The following ADGRG7 variants were observed in gnomAD, a reference collection of about 807,000 sequenced individuals.
The protein encoded by ADGRG7 is adhesion G protein-coupled receptor G7.
In ADGRG7, 82 loss-of-function variants were observed where a neutral mutation model predicts 88.6. The observed-to-expected ratio is 0.93, with a 90% CI of 0.77 to 1.11. The LOEUF (loss-of-function observed/expected upper bound fraction) is 1.11, where lower values mean the gene tolerates loss of function less well. ADGRG7 is among the 50% of genes most tolerant of loss of function. The pLI is 0.00. For synonymous variants in ADGRG7, 381 were observed against 345.2 expected (o/e 1.10, Z -1.15); for missense variants, 945 against 953.4 (o/e 0.99, Z 0.12).
chr3:100,659,897 C>T (rs2094943006), intron 14 of ADGRG7, 54 bp downstream of exon 14: 21 of 1,537,866 alleles, frequency 1.4e-5, no homozygotes, highest in African/African-American at 2.7e-5. Flanking sequence ...CAGCACTTAA[C>T]GCAGCACCAT....
chr3:100,666,369 A>C (rs1269267324), intron 14 of ADGRG7, among the ~76,000 whole-genome samples: 1 of 152,190 alleles, frequency 6.6e-6, no homozygotes, highest in Non-Finnish European at 1.5e-5. Flanking sequence ...TCACAAGATA[A>C]TAGTGGGGAG....
intron 11 of ADGRG7, among the ~76,000 whole-genome samples, chr3:100,650,145 T>A (rs2094926851): frequency 1.3e-5 from 2 of 152,232 alleles, no homozygotes. Context: ...AAAGAGACAT[T>A]GCAAACAGCA....
At chr3:100,620,749 A>G (rs1332420688) in intron 1 of ADGRG7, among the ~76,000 whole-genome samples, 3 of 152,174 alleles carry the variant, frequency 2.0e-5, no homozygotes, top group South Asian at 4.1e-4. Context: ...TAAATCGTAT[A>G]CATCAAAAAG....
At chr3:100,689,630 A>G (rs1037821433) in intron 15 of ADGRG7, among the ~76,000 whole-genome samples, 9 of 152,140 alleles carry the variant, frequency 5.9e-5, no homozygotes, top group Non-Finnish European at 1.3e-4. Flanking sequence ...TTCTTCATTT[A>G]TGAAGCTTAG....
chr3:100,655,594 C>A (rs573223888), intron 12 of ADGRG7, among the ~76,000 whole-genome samples: 1 of 152,190 alleles, frequency 6.6e-6, no homozygotes, highest in East Asian at 1.9e-4. Context: ...TCAGGGATAT[C>A]TAAATTTAAA....
At chr3:100,622,933 T>G (rs564701686) in intron 1 of ADGRG7, among the ~76,000 whole-genome samples, 2 of 151,200 alleles carry the variant, frequency 1.3e-5, no homozygotes, top group African/African-American at 2.4e-5. Flanking sequence ...TTTTTGTTTT[T>G]TTTTTTTGGT....
chr3:100,678,805 CCT>C (rs200867163), intron 15 of ADGRG7, among the ~76,000 whole-genome samples: 2 of 151,872 alleles, frequency 1.3e-5, no homozygotes, highest in South Asian at 2.1e-4. Context: ...AAACAGAGTG[CCT>C]CTCTCTCTCT....
rs1222293728 is a variant in ADGRG7 at position 100,670,896 on chromosome 3, C to CT, written c.2136+1796dup. Among the ~76,000 whole-genome samples, 6 of 152,226 alleles carry CT rather than the reference C, an allele frequency of 3.9e-5. No homozygotes were observed. In the East Asian group the frequency reaches 9.6e-4, roughly 24 times the overall value. ...TCCATGCAAAGGACATGAACTCATC[C>CT]TTTTTATGGCTGCATAATATTACAT... On this transcript the variant is annotated intron_variant, in intron 15 of 15. Coordinates refer to ENST00000273352, the MANE Select transcript of ADGRG7 (RefSeq NM_032787.3).
chr3:100,693,533 G>T (rs2094997352), intron 15 of ADGRG7, among the ~76,000 whole-genome samples: 1 of 151,970 alleles, frequency 6.6e-6, no homozygotes, highest in South Asian at 2.1e-4. Flanking sequence ...AAACTATAAG[G>T]GTCTTTCCAG....
intron 6 of ADGRG7, among the ~76,000 whole-genome samples, chr3:100,638,205 G>A (rs1007319624): frequency 6.6e-6 from 1 of 152,202 alleles, no homozygotes; most frequent in African/African-American, 2.4e-5. Flanking sequence ...CACTTGGTGG[G>A]TCCCAAATTC....
intron 15 of ADGRG7, among the ~76,000 whole-genome samples, chr3:100,687,033 G>GT (rs1472619253): frequency 6.6e-6 from 1 of 152,156 alleles, no homozygotes; most frequent in African/African-American, 2.4e-5. Flanking sequence ...TCTTCCATTT[G>GT]TTTGTATCCT....
At position 100,629,692 on chromosome 3, in the gene ADGRG7, AG is replaced by A. The variant is rs766729629; in HGVS notation, c.212del (p.Gly71AspfsTer2). 1.2e-6 allele frequency: 2 copies of A among 1,610,392 alleles called. No homozygotes were observed. Among genetic ancestry groups the A allele is most frequent in the Admixed American group, 3.3e-5 (2 of 59,980 alleles). On this transcript the variant is annotated frameshift_variant, in exon 2 of 16. Coordinates refer to ENST00000273352, the MANE Select transcript of ADGRG7 (RefSeq NM_032787.3). LOFTEE classifies it high-confidence loss of function. Reference protein sequence around the residue: ...GRCICTEEWKGLRCTIANFCE... With the variant: ...GRCICTEEWKXLRCTIANFCE... ...GATGTATTTGTACAGAAGAGTGGAA[AG>A]GACTGAGATGTACAATTGGTAAATT... is the stretch of plus-strand genomic sequence containing the variant.
chr3:100,656,134 A>G (rs560819009), intron 13 of ADGRG7, 139 bp downstream of exon 13: 20 of 511,212 alleles, frequency 3.9e-5, no homozygotes, highest in African/African-American at 3.4e-4. Flanking sequence ...GAAATTCTCA[A>G]AGAACACGTT....
At position 100,672,983 on chromosome 3, in the gene ADGRG7, A is replaced by C. The variant is rs192628406; in HGVS notation, c.2136+3878A>C. Among the ~76,000 whole-genome samples the C allele has an allele frequency of 2.1e-3, 327 of 152,178 alleles. 1 individual carries two copies. The highest frequency in any genetic ancestry group is 7.7e-3 in the African/African-American group (321 of 41,524). On this transcript the variant is annotated intron_variant, in intron 15 of 15. Transcript: ENST00000273352. Reference sequence around the variant, plus strand: ...CCAGTATTTTATTGAGGATTTTCACATCGATGTTCATCAGGGATACTGGCC... The same window carrying C: ...CCAGTATTTTATTGAGGATTTTCACCTCGATGTTCATCAGGGATACTGGCC...
At chr3:100,668,191 A>G (rs931983923) in intron 14 of ADGRG7, among the ~76,000 whole-genome samples, 4 of 152,138 alleles carry the variant, frequency 2.6e-5, no homozygotes, top group East Asian at 3.8e-4. Context: ...TTCTGCGTCA[A>G]TCTTGCTGGG....
rs185549900 is a variant in ADGRG7, at chr3:100,667,683, C to T, written c.1980-1266C>T. Among the ~76,000 whole-genome samples the T allele has an allele frequency of 5.9e-5, 9 of 152,310 alleles. No homozygotes were observed. In the East Asian group the frequency reaches 1.7e-3, roughly 29 times the overall value. Reference sequence around the variant, plus strand: ...ATAGAATGATTTATAATCCTTTGGGCATATGCCCAGTAATGGGATTGCTGG... The same window carrying T: ...ATAGAATGATTTATAATCCTTTGGGTATATGCCCAGTAATGGGATTGCTGG... On this transcript the variant is annotated intron_variant, in intron 14 of 15. Transcript: ENST00000273352.
At chr3:100,628,646 GC>G (rs1349631878) in intron 1 of ADGRG7, among the ~76,000 whole-genome samples, 1 of 152,064 alleles carries the variant, frequency 6.6e-6, no homozygotes, top group African/African-American at 2.4e-5. Flanking sequence ...GTGAGCCACT[GC>G]ACACAACCCT....
chr3:100,683,843 C>T (rs1014064467), intron 15 of ADGRG7, among the ~76,000 whole-genome samples: 1 of 152,168 alleles, frequency 6.6e-6, no homozygotes, highest in Non-Finnish European at 1.5e-5. Context: ...TTTATAAAAC[C>T]TCATTCACCT....
intron 13 of ADGRG7, among the ~76,000 whole-genome samples, chr3:100,657,274 A>G (rs1576328048): frequency 2.0e-5 from 3 of 152,282 alleles, no homozygotes; most frequent in South Asian, 4.1e-4. Flanking sequence ...CAAGGGCCAC[A>G]TTTCTTCAGG....
Sources: allele counts gnomAD v4.1 joint callset (sites outside exome capture counted in the v4.1 genomes callset), GRCh38; gene constraint gnomAD v4.1.1; transcripts MANE v1.5; gene names NCBI Gene and HGNC (gene_info 2026-07-23, HGNC 2026-07-21).